Variants in FHIT observed in about 807,000 individuals in gnomAD.
FHIT encodes the protein fragile histidine triad diadenosine triphosphatase, also known as bis(5'-adenosyl)-triphosphatase.
In FHIT, 19 loss-of-function variants were observed where a neutral mutation model predicts 17.9. That is an observed-to-expected ratio of 1.06 (90% CI 0.74 to 1.56). FHIT has a LOEUF of 1.56. FHIT is among the 40% of genes most tolerant of loss of function. The pLI, the probability that FHIT is intolerant of heterozygous loss-of-function variation, is 0.00. For missense variants in FHIT, 248 were observed against 189.2 expected, an observed-to-expected ratio of 1.31 and a Z score of -1.82; for synonymous variants, 81 against 69.7, an observed-to-expected ratio of 1.16 and a Z score of -0.81.
At chr3:60,858,765 G>C (rs1356490422) in intron 3 of FHIT, among the ~76,000 whole-genome samples, 1 of 152,152 alleles carries the variant, frequency 6.6e-6, no homozygotes, top group Non-Finnish European at 1.5e-5. Flanking sequence ...TTTCTTGAAA[G>C]TCTGTGGCAT....
In FHIT at chr3:60,614,809, G is replaced by GTTTTTTTTTTTTTTTTTTT. The variant is rs147892145; in HGVS notation, c.-17-77831_-17-77830insAAAAAAAAAAAAAAAAAAA. ...CGATTTGTAAAAAATTGCAAAAGTT[G>GTTTTTTTTTTTTTTTTTTT]TTTTTTTTTTGTTTTTTTTTTGTTT... On this transcript the variant is annotated intron_variant, in intron 4 of 9. Coordinates refer to ENST00000492590, the MANE Select transcript of FHIT (RefSeq NM_002012.4). Among the ~76,000 whole-genome samples, 4 of 78,222 alleles carry GTTTTTTTTTTTTTTTTTTT rather than the reference G, an allele frequency of 5.1e-5. 1 individual carries two copies. The highest frequency in any genetic ancestry group is 1.5e-4 in the Admixed American group (1 of 6,734). The allele number at this position is 78,222 out of a possible 152,430, so 51.3% of individuals were successfully genotyped here.
chr3:61,034,138 T>A (rs193210495), intron 3 of FHIT, among the ~76,000 whole-genome samples: 1 of 152,160 alleles, frequency 6.6e-6, no homozygotes, highest in African/African-American at 2.4e-5. Flanking sequence ...ATGATCTAAA[T>A]ATAAGTGCTA....
intron 4 of FHIT, among the ~76,000 whole-genome samples, chr3:60,554,011 C>A (rs961163292): frequency 3.9e-5 from 6 of 152,044 alleles, no homozygotes; most frequent in Non-Finnish European, 7.4e-5. Flanking sequence ...CGCTTGAACC[C>A]AGTGGGCAGA....
intron 4 of FHIT, among the ~76,000 whole-genome samples, chr3:60,619,861 C>CTG (rs1553677700): frequency 1.3e-5 from 2 of 152,064 alleles, no homozygotes; most frequent in African/African-American, 4.8e-5. Context: ...ATATAAGACA[C>CTG]TGTCAACTGA....
At chr3:61,128,511 C>A (rs569076354) in intron 2 of FHIT, among the ~76,000 whole-genome samples, 1 of 152,162 alleles carries the variant, frequency 6.6e-6, no homozygotes, top group African/African-American at 2.4e-5. Context: ...AGCTGAAATG[C>A]GCTTCCGTCA....
chr3:60,260,994 G>A (rs1307490746), intron 5 of FHIT, among the ~76,000 whole-genome samples: 4 of 151,908 alleles, frequency 2.6e-5, no homozygotes, highest in African/African-American at 4.8e-5. Context: ...CCTCAGCTCC[G>A]GGAATTGCCA....
chr3:61,122,322 A>G (rs1473894047), intron 2 of FHIT, among the ~76,000 whole-genome samples: 1 of 152,188 alleles, frequency 6.6e-6, no homozygotes, highest in African/African-American at 2.4e-5. Context: ...CTGAAACTGG[A>G]CCCCTTCCTT....
At chr3:60,042,746 A>G (rs879482278) in intron 5 of FHIT, among the ~76,000 whole-genome samples, 1 of 152,150 alleles carries the variant, frequency 6.6e-6, no homozygotes, top group Non-Finnish European at 1.5e-5. Flanking sequence ...TGCAAGGGAT[A>G]CAATTCAACC....
intron 8 of FHIT, among the ~76,000 whole-genome samples, chr3:59,863,611 C>T (rs914804908): frequency 1.3e-5 from 2 of 152,178 alleles, no homozygotes; most frequent in Non-Finnish European, 2.9e-5. Flanking sequence ...GTGTCTAGCT[C>T]ATAGTAGGGA....
chr3:60,488,197 T>C (rs996127515), intron 5 of FHIT, among the ~76,000 whole-genome samples: 5 of 152,172 alleles, frequency 3.3e-5, no homozygotes, highest in Non-Finnish European at 5.9e-5. Flanking sequence ...AAACAATCAC[T>C]CGACTCCTGT....
intron 4 of FHIT, among the ~76,000 whole-genome samples, chr3:60,728,126 T>C (rs542148433): frequency 1.3e-5 from 2 of 152,240 alleles, no homozygotes; most frequent in Non-Finnish European, 2.9e-5. Context: ...ATGCAGGACA[T>C]AATGTAAAAA....
chr3:59,899,455 T>C (rs1340700724), intron 8 of FHIT, among the ~76,000 whole-genome samples: 1 of 152,128 alleles, frequency 6.6e-6, no homozygotes, highest in Admixed American at 6.5e-5. Flanking sequence ...GTGGAACTAA[T>C]ACAAATTTGG....
chr3:59,965,852 A>C (rs1357739040), intron 7 of FHIT, among the ~76,000 whole-genome samples: 1 of 152,196 alleles, frequency 6.6e-6, no homozygotes, highest in African/African-American at 2.4e-5. Flanking sequence ...CTCAACTTCT[A>C]ATTTCCTCCT....
At chr3:60,566,452 C>T (rs866679261) in intron 4 of FHIT, among the ~76,000 whole-genome samples, 1 of 152,098 alleles carries the variant, frequency 6.6e-6, no homozygotes, top group African/African-American at 2.4e-5. Flanking sequence ...ATTGATGAGA[C>T]GTATCTCAAA....
intron 4 of FHIT, among the ~76,000 whole-genome samples, chr3:60,650,613 G>C (rs1192544990): frequency 1.3e-5 from 2 of 152,174 alleles, no homozygotes; most frequent in Non-Finnish European, 2.9e-5. Context: ...GTACTAGTTA[G>C]CTTTTCCAAA....
chr3:60,023,995 A>G (rs1291427080), intron 5 of FHIT, among the ~76,000 whole-genome samples: 1 of 151,506 alleles, frequency 6.6e-6, no homozygotes, highest in Non-Finnish European at 1.5e-5. Flanking sequence ...TCATGGTAAA[A>G]AAAAAAAGAA....
chr3:59,987,367 C>CGT (rs978364609), intron 7 of FHIT, among the ~76,000 whole-genome samples: 15 of 151,850 alleles, frequency 9.9e-5, no homozygotes, highest in African/African-American at 3.6e-4. Flanking sequence ...ATTAGTTCAT[C>CGT]GTGTGTGTCT....
chr3:60,690,446 G>T, intron 4 of FHIT: 1 of 578,194 alleles, frequency 1.7e-6, no homozygotes, highest in South Asian at 1.4e-5. Flanking sequence ...GGACCTGTAT[G>T]CTTCAGGATG....
chr3:60,041,136 C>T (rs1416738407), intron 5 of FHIT, among the ~76,000 whole-genome samples: 2 of 152,134 alleles, frequency 1.3e-5, no homozygotes, highest in African/African-American at 4.8e-5. Context: ...TTTTACATCT[C>T]CCACCTCCAA....
Sources: allele counts gnomAD v4.1 joint callset (sites outside exome capture counted in the v4.1 genomes callset), GRCh38; gene constraint gnomAD v4.1.1; transcripts MANE v1.5; gene names NCBI Gene and HGNC (gene_info 2026-07-23, HGNC 2026-07-21).